CCSER1: variants seen among roughly 807,000 people sequenced by gnomAD.
CCSER1 encodes coiled-coil serine rich protein 1.
CCSER1 carries 41 observed loss-of-function variants against 82.0 expected under a neutral mutation model. That is an observed-to-expected ratio of 0.50 (90% confidence interval 0.39 to 0.65). CCSER1 has a LOEUF of 0.65. Ranked by LOEUF, CCSER1 falls within the 30% of genes least tolerant of loss-of-function variation. The pLI, the probability that CCSER1 is intolerant of heterozygous loss-of-function variation, is 0.00. For synonymous variants in CCSER1, 414 were observed against 383.9 expected (o/e 1.08, Z -0.92); for missense variants, 1,119 against 1,064.2 (o/e 1.05, Z -0.72).
At chr4:91,166,109 C>T (rs1438401095) in intron 10 of CCSER1, among the ~76,000 whole-genome samples, 2 of 152,174 alleles carry the variant, frequency 1.3e-5, no homozygotes, top group East Asian at 3.8e-4. Context: ...TAAAAAGTTA[C>T]AGTTTTATGA....
At chr4:90,502,447 A>G (rs975500116) in intron 5 of CCSER1, among the ~76,000 whole-genome samples, 2 of 152,190 alleles carry the variant, frequency 1.3e-5, no homozygotes, top group African/African-American at 4.8e-5. Context: ...GGGGATTTCA[A>G]TTCAACATGA....
chr4:90,699,074 C>T (rs550656621), intron 6 of CCSER1, among the ~76,000 whole-genome samples: 31 of 152,092 alleles, frequency 2.0e-4, no homozygotes, highest in African/African-American at 6.3e-4. Context: ...GCACTCCAGC[C>T]GGGGCGAAAG....
intron 10 of CCSER1, among the ~76,000 whole-genome samples, chr4:91,439,628 G>A (rs1208740079): frequency 6.6e-6 from 1 of 151,860 alleles, no homozygotes. Context: ...AACTTTAAAT[G>A]TAAAGGGACT....
At chr4:91,211,729 A>G (rs1736838682) in intron 10 of CCSER1, among the ~76,000 whole-genome samples, 1 of 152,098 alleles carries the variant, frequency 6.6e-6, no homozygotes, top group South Asian at 2.1e-4. Context: ...ATGAGGGATA[A>G]TAATATCTAC....
At chr4:91,438,101 C>A (rs1185422421) in intron 10 of CCSER1, among the ~76,000 whole-genome samples, 1 of 152,166 alleles carries the variant, frequency 6.6e-6, no homozygotes, top group Non-Finnish European at 1.5e-5. Context: ...ACTTAAATGT[C>A]CCTGTCTGAC....
intron 5 of CCSER1, among the ~76,000 whole-genome samples, chr4:90,559,971 TACA>T (rs1324159200): frequency 2.7e-5 from 4 of 150,498 alleles, no homozygotes; most frequent in Non-Finnish European, 4.4e-5. Context: ...AAGGAAAAAC[TACA>T]ACAACAACAA....
intron 1 of CCSER1, among the ~76,000 whole-genome samples, chr4:90,271,862 A>ATATAT (rs1553982816): frequency 5.5e-4 from 12 of 21,744 alleles, no homozygotes; most frequent in East Asian, 1.3e-3. Context: ...ATATATATAT[A>ATATAT]TTTTTTTTTT....
intron 1 of CCSER1, among the ~76,000 whole-genome samples, chr4:90,200,575 A>G (rs922569891): frequency 6.6e-6 from 1 of 152,080 alleles, no homozygotes; most frequent in Admixed American, 6.6e-5. Flanking sequence ...AGTTATGGTA[A>G]TTCCTTAGGA....
chr4:90,367,685 A>G (rs1308451542), intron 3 of CCSER1, among the ~76,000 whole-genome samples: 2 of 151,936 alleles, frequency 1.3e-5, no homozygotes, highest in East Asian at 1.9e-4. Flanking sequence ...AAGTAATTAA[A>G]TATAAGAACA....
chr4:90,460,355 G>GA (rs775971058), intron 4 of CCSER1, among the ~76,000 whole-genome samples: 23 of 127,452 alleles, frequency 1.8e-4, no homozygotes, highest in Non-Finnish European at 3.1e-4. Flanking sequence ...ACTAAGGCAA[G>GA]AAAAAAACTG....
rs115083755 is a variant in CCSER1 at position 91,421,423 on chromosome 4, A to T, written c.2218-177149A>T. Among the ~76,000 whole-genome samples, 1,099 of 152,296 alleles carry T rather than the reference A, an allele frequency of 7.2e-3. 10 individuals are homozygous for T. The highest frequency in any genetic ancestry group is 0.025 in the African/African-American group (1,031 of 41,528). On this transcript the variant is annotated intron_variant, in intron 10 of 10. Coordinates refer to ENST00000509176, the MANE Select transcript of CCSER1 (RefSeq NM_001145065.2). ...GTGTAAGTCCTGAAATACAGTGGCC[A>T]GAGTATGTGTAACTCTGATATCCCA...
intron 10 of CCSER1, among the ~76,000 whole-genome samples, chr4:91,495,725 A>T (rs1003231236): frequency 6.6e-6 from 1 of 151,598 alleles, no homozygotes; most frequent in Admixed American, 6.6e-5. Context: ...AGGATGAACG[A>T]AATGTAAATA....
chr4:91,078,048 T>C (rs1007490287), intron 9 of CCSER1, among the ~76,000 whole-genome samples: 7 of 152,292 alleles, frequency 4.6e-5, no homozygotes, highest in African/African-American at 1.7e-4. Context: ...CAGCAGAAAC[T>C]TCTGCAGACT....
chr4:91,285,016 G>A (rs768225224), intron 10 of CCSER1, among the ~76,000 whole-genome samples: 22 of 151,782 alleles, frequency 1.4e-4, no homozygotes, highest in Non-Finnish European at 3.2e-4. Context: ...TATAGTTGCA[G>A]CAGACAGAAC....
chr4:91,496,705 T>TTGA (rs1464083284), intron 10 of CCSER1, among the ~76,000 whole-genome samples: 5 of 40,422 alleles, frequency 1.2e-4, no homozygotes, highest in African/African-American at 3.3e-4. Context: ...TCAATATATA[T>TTGA]ATATATTCAA....
chr4:90,450,041 C>T (rs1761233975), intron 4 of CCSER1, among the ~76,000 whole-genome samples: 1 of 152,226 alleles, frequency 6.6e-6, no homozygotes. Flanking sequence ...TGAAGAGGTA[C>T]ATCTAACTGC....
chr4:90,132,613 T>A (rs1722994954), intron 1 of CCSER1, among the ~76,000 whole-genome samples: 1 of 152,228 alleles, frequency 6.6e-6, no homozygotes, highest in East Asian at 1.9e-4. Context: ...TTAAGTTGTT[T>A]CCATGCAGCC....
chr4:90,390,301 T>C (rs10004886), intron 3 of CCSER1, among the ~76,000 whole-genome samples: 6,465 of 152,248 alleles, frequency 0.042, 452 homozygotes, highest in African/African-American at 0.15. Context: ...ATTTCAACTT[T>C]TATTGAATAT....
intron 10 of CCSER1, among the ~76,000 whole-genome samples, chr4:91,149,364 G>A (rs1729892925): frequency 6.6e-6 from 1 of 152,174 alleles, no homozygotes; most frequent in Non-Finnish European, 1.5e-5. Context: ...GTTCTTTGTA[G>A]ATTCTGGAAA....
Sources: allele counts gnomAD v4.1 joint callset (sites outside exome capture counted in the v4.1 genomes callset), GRCh38; gene constraint gnomAD v4.1.1; transcripts MANE v1.5; gene names NCBI Gene and HGNC (gene_info 2026-07-23, HGNC 2026-07-21).